SDK1: variants seen among roughly 807,000 people sequenced by gnomAD.
SDK1 encodes sidekick cell adhesion molecule 1.
In SDK1, 157 loss-of-function variants were observed where a neutral mutation model predicts 245.5. The ratio of observed to expected loss-of-function variants is 0.64; its 90% CI spans 0.56 to 0.73. The LOEUF (loss-of-function observed/expected upper bound fraction) is 0.73, where lower values mean the gene tolerates loss of function less well. Among genes scored for constraint, SDK1 ranks in the 30% least tolerant of loss-of-function variants. SDK1 has a pLI of 0.00. For synonymous variants in SDK1, 1,647 were observed against 1,278.5 expected (o/e 1.29, Z -6.15); for missense variants, 3,583 against 3,002.3 (o/e 1.19, Z -4.52).
intron 14 of SDK1, among the ~76,000 whole-genome samples, chr7:4,004,610 A>G (rs1026141987): frequency 2.0e-5 from 3 of 152,330 alleles, no homozygotes; most frequent in Middle Eastern, 3.4e-3. Context: ...ACACAAAAAT[A>G]TAGCTCCAAC....
At chr7:4,125,757 C>T (rs1458029696) in intron 25 of SDK1, among the ~76,000 whole-genome samples, 2 of 152,200 alleles carry the variant, frequency 1.3e-5, no homozygotes, top group Non-Finnish European at 2.9e-5. Context: ...TAGCATCCTC[C>T]TTTCACTTTC....
At position 3,732,697 on chromosome 7, in the gene SDK1, A is replaced by G. The variant is rs190932938; in HGVS notation, c.714-88753A>G. On this transcript the variant is annotated intron_variant, in intron 4 of 44. Coordinates refer to ENST00000404826, the MANE Select transcript of SDK1 (RefSeq NM_152744.4). ...AACTGAGGCGCTGAAATGTCTAGCCACACATTTAATGAAATATAATTTGGT... is the reference window on the plus strand; with the variant it reads ...AACTGAGGCGCTGAAATGTCTAGCCGCACATTTAATGAAATATAATTTGGT... Among the ~76,000 whole-genome samples, 420 of 152,342 alleles carry G rather than the reference A, an allele frequency of 2.8e-3. 6 individuals carry two copies. Among genetic ancestry groups the G allele is most frequent in the Non-Finnish European group, 1.7e-3 (118 of 68,030 alleles).
intron 22 of SDK1, among the ~76,000 whole-genome samples, chr7:4,083,145 T>C (rs186434662): frequency 1.1e-4 from 17 of 152,284 alleles, no homozygotes; most frequent in Admixed American, 8.5e-4. Context: ...GATGGACAGT[T>C]TGACAGCTTT....
intron 1 of SDK1, among the ~76,000 whole-genome samples, chr7:3,572,342 A>G (rs1780143093): frequency 1.3e-5 from 2 of 152,002 alleles, no homozygotes; most frequent in Non-Finnish European, 2.9e-5. Flanking sequence ...CTCAGTGAAG[A>G]TGGAGAGCCC....
At chr7:3,869,441 C>T (rs1257350169) in intron 5 of SDK1, among the ~76,000 whole-genome samples, 1 of 152,116 alleles carries the variant, frequency 6.6e-6, no homozygotes, top group Non-Finnish European at 1.5e-5. Flanking sequence ...CAGGTGTGAG[C>T]CACCACGCCT....
intron 12 of SDK1, 138 bp from the exon 13 acceptor site, chr7:3,974,231 C>CTAAA: frequency 1.7e-6 from 1 of 583,424 alleles, no homozygotes; most frequent in East Asian, 3.0e-5. Flanking sequence ...AAAAATCACT[C>CTAAA]TTTTAAAGAG....
chr7:4,177,758 T>C (rs542288968), intron 34 of SDK1, among the ~76,000 whole-genome samples: 2 of 152,338 alleles, frequency 1.3e-5, no homozygotes, highest in African/African-American at 4.8e-5. Flanking sequence ...TTATTTCCAT[T>C]ATTAGTACAT....
intron 1 of SDK1, among the ~76,000 whole-genome samples, chr7:3,377,549 G>A (rs1202480364): frequency 6.6e-6 from 1 of 151,942 alleles, no homozygotes; most frequent in Non-Finnish European, 1.5e-5. Flanking sequence ...ACCCTGTCAG[G>A]CAGAGCTGCT....
intron 40 of SDK1, among the ~76,000 whole-genome samples, chr7:4,231,364 G>T (rs1345025832): frequency 6.6e-6 from 1 of 151,156 alleles, no homozygotes. Context: ...GGCAGTTCGA[G>T]CCCAGCCTGG....
At chr7:3,854,570 G>C (rs1475170016) in intron 5 of SDK1, among the ~76,000 whole-genome samples, 1 of 152,146 alleles carries the variant, frequency 6.6e-6, no homozygotes, top group Non-Finnish European at 1.5e-5. Context: ...CTTTCAATGA[G>C]AATGAAATGC....
chr7:4,232,403 TTTTC>T lies in SDK1; in HGVS notation c.5828-844_5828-841del, dbSNP rs1239031754. On this transcript the variant is annotated intron_variant, in intron 40 of 44. Coordinates refer to ENST00000404826, the MANE Select transcript of SDK1 (RefSeq NM_152744.4). ...TTTTTTCTTTTTTTCTTTTCTTTTCTTTTCTTTCTTTTTTTTTTTTTTTTGTTAT... is the reference window on the plus strand; with the variant it reads ...TTTTTTCTTTTTTTCTTTTCTTTTCTTTTCTTTTTTTTTTTTTTTTGTTAT... Among the ~76,000 whole-genome samples, 137 of 107,098 alleles carry T rather than the reference TTTTC, an allele frequency of 1.3e-3. 2 individuals carry two copies. The highest frequency in any genetic ancestry group is 4.5e-3 in the African/African-American group (123 of 27,524). 70.3% of individuals were successfully genotyped at this position (107,098 alleles called of 152,430 possible).
At chr7:3,666,469 C>T (rs895317948) in intron 4 of SDK1, among the ~76,000 whole-genome samples, 3 of 152,174 alleles carry the variant, frequency 2.0e-5, no homozygotes, top group South Asian at 2.1e-4. Flanking sequence ...TTCCCAGGCT[C>T]CTGCCCTCAC....
chr7:3,399,906 C>G (rs1041000233), intron 1 of SDK1, among the ~76,000 whole-genome samples: 2 of 152,076 alleles, frequency 1.3e-5, no homozygotes, highest in African/African-American at 4.8e-5. Flanking sequence ...CTGGTATGGC[C>G]GACTTAATAG....
intron 5 of SDK1, among the ~76,000 whole-genome samples, chr7:3,913,256 C>T (rs1264109826): frequency 1.3e-5 from 2 of 151,856 alleles, no homozygotes; most frequent in African/African-American, 4.8e-5. Flanking sequence ...CCTGGCCCTT[C>T]CCTCTCCCCT....
chr7:4,076,837 T>A (rs1447848550), intron 20 of SDK1, among the ~76,000 whole-genome samples, 161 bp from the exon 21 acceptor site: 1 of 152,136 alleles, frequency 6.6e-6, no homozygotes, highest in East Asian at 1.9e-4. Context: ...GAAGGAGCCT[T>A]GACCTGTGTC....
chr7:3,833,490 A>C (rs1390641580), intron 5 of SDK1, among the ~76,000 whole-genome samples: 2 of 152,190 alleles, frequency 1.3e-5, no homozygotes, highest in Non-Finnish European at 2.9e-5. Context: ...CTTCCTTTCT[A>C]ATCCTTAAAA....
intron 1 of SDK1, among the ~76,000 whole-genome samples, chr7:3,436,603 A>G (rs1583855256): frequency 6.6e-6 from 1 of 152,326 alleles, no homozygotes; most frequent in Non-Finnish European, 1.5e-5. Context: ...GAAAATAATG[A>G]TTATACTTTA....
At chr7:3,356,570 G>C (rs922024352) in intron 1 of SDK1, among the ~76,000 whole-genome samples, 1 of 152,124 alleles carries the variant, frequency 6.6e-6, no homozygotes, top group Non-Finnish European at 1.5e-5. Flanking sequence ...TTTTCTGTGT[G>C]TATTCTGAAG....
chr7:3,797,303 G>T (rs920585405), intron 4 of SDK1, among the ~76,000 whole-genome samples: 6 of 152,090 alleles, frequency 3.9e-5, no homozygotes, highest in East Asian at 1.9e-4. Flanking sequence ...TTTTAAAAAG[G>T]TTCATCTTTT....
Sources: gnomAD v4.1 joint callset for allele counts (sites outside exome capture counted in the v4.1 genomes callset) on GRCh38, gnomAD v4.1.1 for gene constraint, MANE v1.5 for transcripts, NCBI Gene and HGNC (gene_info 2026-07-23, HGNC 2026-07-21) for gene names.